GRIA2: variants seen among roughly 807,000 people sequenced by gnomAD.
GRIA2 encodes glutamate ionotropic receptor AMPA type subunit 2.
A neutral mutation model predicts 97.3 loss-of-function variants in GRIA2; 14 were observed. That is an observed-to-expected ratio of 0.14 (90% CI 0.10 to 0.23). GRIA2 has a LOEUF of 0.23. GRIA2 is among the 10% of genes least tolerant of loss of function. GRIA2 has a pLI of 1.00. For synonymous variants in GRIA2, 412 were observed against 387.8 expected (o/e 1.06, Z -0.73); for missense variants, 558 against 1,069.8 (o/e 0.52, Z 6.67).
chr4:157,338,027 T>TATATATATATATATAC (rs1356482293), intron 11 of GRIA2, among the ~76,000 whole-genome samples: 3 of 11,910 alleles, frequency 2.5e-4, no homozygotes, highest in African/African-American at 4.1e-4. Context: ...TATATATATA[T>TATATATATATATATAC]ATATATATAT....
chr4:157,281,666 C>G (rs1396216059), intron 2 of GRIA2, among the ~76,000 whole-genome samples: 4 of 143,652 alleles, frequency 2.8e-5, no homozygotes, highest in Non-Finnish European at 6.1e-5. Context: ...TTTTTTTTGT[C>G]TAATTGTGTG....
chr4:157,257,952 A>C (rs999686838), intron 2 of GRIA2, among the ~76,000 whole-genome samples: 2 of 152,098 alleles, frequency 1.3e-5, no homozygotes, highest in South Asian at 2.1e-4. Flanking sequence ...CTTTACTGCA[A>C]TCTTTAAATG....
In GRIA2 at chr4:157,349,315, T is replaced by C. The variant is rs116841990; in HGVS notation, c.2043+7853T>C. ...TTTGAATTTGCAGCCATTTTTCCTT[T>C]TATGTTACTTCCTGCGTTCCAGGGT... On this transcript the variant is annotated intron_variant, in intron 12 of 15. Coordinates refer to ENST00000264426, the MANE Select transcript of GRIA2 (RefSeq NM_001083619.3). Among the ~76,000 whole-genome samples the C allele has an allele frequency of 1.0e-3, 158 of 152,310 alleles. 6 individuals are homozygous for C. In the East Asian group the frequency reaches 0.024, roughly 23 times the overall value.
At chr4:157,343,643 T>A (rs1735643354) in intron 12 of GRIA2, among the ~76,000 whole-genome samples, 1 of 152,010 alleles carries the variant, frequency 6.6e-6, no homozygotes, top group Non-Finnish European at 1.5e-5. Context: ...GTAGTGAGCG[T>A]CTCCTTATCT....
At chr4:157,243,798 A>G (rs1193587130) in intron 2 of GRIA2, among the ~76,000 whole-genome samples, 1 of 152,094 alleles carries the variant, frequency 6.6e-6, no homozygotes, top group Non-Finnish European at 1.5e-5. Context: ...ACATAGGCTT[A>G]CCAGAATCTA....
chr4:157,292,699 A>G (rs756856748), intron 2 of GRIA2, among the ~76,000 whole-genome samples: 7 of 152,082 alleles, frequency 4.6e-5, no homozygotes, highest in Non-Finnish European at 7.4e-5. Flanking sequence ...AGAGGAAACT[A>G]TAAAAATAGA....
chr4:157,264,483 C>G (rs979483118), intron 2 of GRIA2, among the ~76,000 whole-genome samples: 8 of 152,032 alleles, frequency 5.3e-5, no homozygotes, highest in African/African-American at 1.9e-4. Flanking sequence ...TTACAAGAAC[C>G]CTTACAATTA....
At position 157,321,494 on chromosome 4, in the gene GRIA2, A is replaced by G; in HGVS notation, c.777A>G (p.Gly259=). Residue 259 remains glycine, a synonymous_variant, in exon 6 of 16, where the codon GGA becomes GGG. Coordinates refer to ENST00000264426, the MANE Select transcript of GRIA2 (RefSeq NM_001083619.3). ...KIQFGGANVS[G]FQIVDYDDSL... is the part of the protein sequence containing the mutation. The stretch of plus-strand genomic sequence containing the variant: ...AGTTTGGAGGTGCAAATGTCTCTGG[A>G]TTTCAGATAGTGGACTATGATGATT... The G allele has an allele frequency of 2.5e-6, 4 of 1,609,728 alleles. No individual in the cohort carries two copies. The highest frequency in any genetic ancestry group is 3.4e-6 in the Non-Finnish European group (4 of 1,176,100).
intron 6 of GRIA2, among the ~76,000 whole-genome samples, chr4:157,327,958 G>A (rs1172752225): frequency 6.6e-6 from 1 of 151,960 alleles, no homozygotes; most frequent in African/African-American, 2.4e-5. Context: ...AACCACAGCT[G>A]GCAGACTGGC....
At chr4:157,310,963 A>G (rs1295111246) in intron 3 of GRIA2, among the ~76,000 whole-genome samples, 3 of 152,042 alleles carry the variant, frequency 2.0e-5, no homozygotes, top group Non-Finnish European at 2.9e-5. Context: ...GGTGGGTTGA[A>G]TATTATCATT....
chr4:157,284,581 T>C (rs912723465), intron 2 of GRIA2, among the ~76,000 whole-genome samples: 1 of 151,740 alleles, frequency 6.6e-6, no homozygotes, highest in African/African-American at 2.4e-5. Flanking sequence ...CCTTCCACTA[T>C]TGTATGCCCT....
At chr4:157,351,761 T>C (rs1041206649) in intron 12 of GRIA2, among the ~76,000 whole-genome samples, 2 of 152,150 alleles carry the variant, frequency 1.3e-5, no homozygotes, top group African/African-American at 4.8e-5. Context: ...TCATGAGATC[T>C]GATGGTTTTA....
At chr4:157,333,159 T>C in intron 7 of GRIA2, 90 bp from the exon 8 acceptor site, 2 of 933,660 alleles carry the variant, frequency 2.1e-6, no homozygotes, top group Non-Finnish European at 3.3e-6. Flanking sequence ...TGTAGTTTTC[T>C]TGACTTCATC....
At chr4:157,324,258 A>C (rs1734709808) in intron 6 of GRIA2, among the ~76,000 whole-genome samples, 1 of 152,194 alleles carries the variant, frequency 6.6e-6, no homozygotes, top group South Asian at 2.1e-4. Flanking sequence ...CTCAATAAAA[A>C]TTACTGAAAA....
chr4:157,342,147 A>C (rs1735577468), intron 12 of GRIA2: 1 of 961,948 alleles, frequency 1.0e-6, no homozygotes, highest in Non-Finnish European at 1.2e-6. Flanking sequence ...AAAATGTTTA[A>C]ATACAGCTGA....
At position 157,359,886 on chromosome 4, in the gene GRIA2, T is replaced by C. The variant is rs529771149; in HGVS notation, c.2044-10T>C. 6.2e-7 allele frequency: 1 copy of C among 1,611,998 alleles called. No homozygotes were observed. The highest frequency in any genetic ancestry group is 1.3e-5 in the African/African-American group (1 of 74,934). On this transcript the variant is annotated splice_polypyrimidine_tract_variant and intron_variant, in intron 12 of 15. Coordinates refer to ENST00000264426, the MANE Select transcript of GRIA2 (RefSeq NM_001083619.3). The stretch of plus-strand genomic sequence containing the variant: ...TCTTAATGCTATCTGGCCCCTTACT[T>C]TTCCTGCAGAGATCTAAAATTGCAG...
chr4:157,257,409 C>T (rs2126759252), intron 2 of GRIA2, among the ~76,000 whole-genome samples: 1 of 152,100 alleles, frequency 6.6e-6, no homozygotes, highest in East Asian at 1.9e-4. Flanking sequence ...GTGAATGTGT[C>T]TTAAAAATAC....
intron 2 of GRIA2, among the ~76,000 whole-genome samples, chr4:157,239,083 A>G (rs953221453): frequency 2.6e-5 from 4 of 152,090 alleles, no homozygotes; most frequent in African/African-American, 9.7e-5. Context: ...AGAGAGTTGC[A>G]CATCTAGCAA....
intron 13 of GRIA2, among the ~76,000 whole-genome samples, chr4:157,360,537 T>C (rs1736589128): frequency 6.6e-6 from 1 of 152,198 alleles, no homozygotes; most frequent in African/African-American, 2.4e-5. Flanking sequence ...ATCCTAACAG[T>C]AAACTGAAAT....
Sources: gnomAD v4.1 joint callset for allele counts (sites outside exome capture counted in the v4.1 genomes callset) on GRCh38, gnomAD v4.1.1 for gene constraint, MANE v1.5 for transcripts, NCBI Gene and HGNC (gene_info 2026-07-23, HGNC 2026-07-21) for gene names.